Variants in F8 observed in about 807,000 individuals in gnomAD.
F8 encodes coagulation factor VIII.
In F8, 12 loss-of-function variants were observed where a neutral mutation model predicts 140.6. The observed-to-expected ratio is 0.09, with a 90% CI of 0.05 to 0.14. The LOEUF is 0.14. Ranked by LOEUF, F8 falls within the 10% of genes least tolerant of loss-of-function variation. The probability of loss-of-function intolerance (pLI) is 1.00; values close to 1 mark genes in which losing one functional copy is unlikely to be tolerated. For synonymous variants in F8, 585 were observed against 614.6 expected, an observed-to-expected ratio of 0.95 and a Z score of 0.71; for missense variants, 1,354 against 1,720.7, an observed-to-expected ratio of 0.79 and a Z score of 3.77.
Position 154,899,022 on chromosome X carries a change from C to T in F8, c.6273+844G>A, listed in dbSNP as rs183481744. 3.6e-5 allele frequency among the ~76,000 whole-genome samples: 4 copies of T among 111,958 alleles called. No individual in the cohort carries two copies. In the East Asian group the frequency reaches 1.1e-3, roughly 31 times the overall value. On this transcript the variant is annotated intron_variant, in intron 21 of 25. Transcript: ENST00000360256. Reference sequence around the variant, plus strand: ...GGGTGGCCAAATAGATAAACATGTTCTCTATATAGGGATACACTTAAGGTT... The same window carrying T: ...GGGTGGCCAAATAGATAAACATGTTTTCTATATAGGGATACACTTAAGGTT...
chrX:154,837,702 G>C lies in F8; in HGVS notation c.6951C>G (p.Asp2317Glu), dbSNP rs782799573. 98 of 1,209,543 alleles carry C rather than the reference G, an allele frequency of 8.1e-5. No homozygotes were observed. In the South Asian group the frequency reaches 1.6e-3, roughly 20 times the overall value. The change falls in exon 26 of 26, where the codon GAC becomes GAG. Residue 2317 changes from aspartate to glutamate, a missense_variant. Asp to Glu is a conservative substitution (Grantham distance 45, BLOSUM62 2). This residue lies in a region of F8 where 316 missense variants were observed against 485.4 expected (regional missense o/e 0.65). Coordinates refer to ENST00000360256, the MANE Select transcript of F8 (RefSeq NM_000132.4). ...DSFTPVVNSL[D>E]PPLLTRYLRI... ...GAAGGTAGCGAGTCAGTAACGGTGGGTCTAGAGAGTTCACCACAGGTGTGA... is the reference window on the plus strand; with the variant it reads ...GAAGGTAGCGAGTCAGTAACGGTGGCTCTAGAGAGTTCACCACAGGTGTGA...
chrX:154,976,550 A>C (rs1360000474), intron 6 of F8, among the ~76,000 whole-genome samples: 1 of 109,841 alleles, frequency 9.1e-6, no homozygotes, highest in Non-Finnish European at 1.9e-5. Context: ...CATTAGGTAT[A>C]TCTCCTAATG....
Position 154,966,443 on chromosome X carries a change from G to A in F8, c.1254C>T (p.Val418=), listed in dbSNP as rs1557282010. The stretch of plus-strand genomic sequence containing the variant: ...GTGCTTACCTGTCATCGGGGGCGAG[G>A]ACTAAGGGAGCATAGTCCCAGTCCT... ...EEEDWDYAPL[V]LAPDDRSYKS... Residue 418 remains valine (V), a synonymous_variant, in exon 8 of 26, where the codon GTC becomes GTT. Coordinates refer to ENST00000360256, the MANE Select transcript of F8 (RefSeq NM_000132.4). The A allele has an allele frequency of 8.3e-7, 1 of 1,211,242 alleles. No individual in the cohort carries two copies.
rs782217277 is a variant in F8, at chrX:154,850,123, T to A, written c.6900+10309A>T. Among the ~76,000 whole-genome samples the A allele has an allele frequency of 2.3e-4, 21 of 93,056 alleles. No homozygotes were observed. In the East Asian group the frequency reaches 5.6e-3, roughly 25 times the overall value. 80.8% of individuals were successfully genotyped at this position (93,056 alleles called of 115,157 possible). On this transcript the variant is annotated intron_variant, in intron 25 of 25. Transcript: ENST00000360256. The stretch of plus-strand genomic sequence containing the variant: ...TGTGTGTGTGTGTGTGTGTGTGTAT[T>A]TTTTTTTTGTCTGTTTGTTTTTTGA...
At position 154,966,102 on chromosome X, in the gene F8, C is replaced by A; in HGVS notation, c.1311G>T (p.Arg437=). The change falls in exon 9 of 26, where the codon CGG becomes CGT. Residue 437 remains arginine, a synonymous_variant. Transcript: ENST00000360256. ...GGACTTTTTTGTACTTCCTACCAAT[C>A]CGCTGAGGGCCATTGTTCAAATATT... is the stretch of plus-strand genomic sequence containing the variant. ...KSQYLNNGPQ[R]IGRKYKKVRF... The A allele has an allele frequency of 8.3e-7, 1 of 1,210,550 alleles. No homozygotes were observed. Among genetic ancestry groups the A allele is most frequent in the East Asian group, 3.0e-5 (1 of 33,839 alleles).
intron 1 of F8, among the ~76,000 whole-genome samples, chrX:155,008,881 C>T (rs1557286309): frequency 9.1e-6 from 1 of 109,599 alleles, no homozygotes; most frequent in African/African-American, 3.3e-5. Flanking sequence ...CATGTTGGTC[C>T]AACCTGGAAG....
chrX:154,966,225 T>TCAATC lies in F8; in HGVS notation c.1272-89_1272-85dup, dbSNP rs2073422816. 1.1e-5 allele frequency: 11 copies of TCAATC among 1,010,696 alleles called. No homozygotes were observed. In the South Asian group the frequency reaches 2.3e-4, roughly 21 times the overall value. The allele number at this position is 1,010,696 out of a possible 1,213,427, so 83.3% of individuals were successfully genotyped here. ...CCAACTCTAAAACAGCTTATATGAT[T>TCAATC]CAATCAAGGCAAGGAGTGAGAAAAA... On this transcript the variant is annotated intron_variant, in intron 8 of 25. Coordinates refer to ENST00000360256, the MANE Select transcript of F8 (RefSeq NM_000132.4).
chrX:154,860,570 C>T lies in F8; in HGVS notation c.6762G>A (p.Gln2254=). 1 of 1,211,754 alleles carries T rather than the reference C, an allele frequency of 8.3e-7. No individual in the cohort carries two copies. The highest frequency in any genetic ancestry group is 1.1e-6 in the Non-Finnish European group (1 of 895,415). The change falls in exon 25 of 26, where the codon CAG becomes CAA. Residue 2254 remains glutamine (Q), a synonymous_variant. Transcript: ENST00000360256. ...NPKEWLQVDF[Q]KTMKVTGVTT... is the part of the protein sequence containing the mutation. ...TTACTCCTGTGACTTTCATTGTCTT[C>T]TGGAAGTCCACTTGCAGCCACTCTT...
chrX:154,952,065 T>C (rs993303508), intron 12 of F8, among the ~76,000 whole-genome samples: 2 of 111,156 alleles, frequency 1.8e-5, no homozygotes, highest in Non-Finnish European at 3.8e-5. Context: ...AAATTATGAA[T>C]AGAAAAAAAT....
intron 12 of F8, among the ~76,000 whole-genome samples, chrX:154,948,677 C>T (rs1168523275): frequency 5.4e-5 from 6 of 111,933 alleles, no homozygotes; most frequent in Admixed American, 1.9e-4. Flanking sequence ...TGGCCTTAGT[C>T]TATGAAGGGA....
chrX:154,851,164 G>A (rs1414385661), intron 25 of F8, among the ~76,000 whole-genome samples: 1 of 112,224 alleles, frequency 8.9e-6, no homozygotes, highest in Non-Finnish European at 1.9e-5. Context: ...TTTGTGCCTG[G>A]CTGCTTTCAC....
At chrX:154,843,818 G>A (rs1470406950) in intron 25 of F8, among the ~76,000 whole-genome samples, 1 of 111,501 alleles carries the variant, frequency 9.0e-6, no homozygotes, top group African/African-American at 3.3e-5. Flanking sequence ...GTCAATTTTG[G>A]CTTTTGTTGC....
chrX:154,966,823 T>G, intron 7 of F8, 136 bp from the exon 8 acceptor site: 1 of 794,089 alleles, frequency 1.3e-6, no homozygotes, highest in Non-Finnish European at 1.8e-6. Flanking sequence ...AGCATGGTGC[T>G]GGCATCTGCT....
chrX:154,844,908 GTATGA>G (rs1392236218), intron 25 of F8, among the ~76,000 whole-genome samples: 2 of 110,108 alleles, frequency 1.8e-5, no homozygotes, highest in Non-Finnish European at 3.8e-5. Flanking sequence ...TGCCCATTCA[GTATGA>G]TATTGGCTGT....
intron 22 of F8, among the ~76,000 whole-genome samples, chrX:154,890,618 A>G (rs961684795): frequency 3.6e-5 from 4 of 112,208 alleles, no homozygotes; most frequent in Non-Finnish European, 7.5e-5. Context: ...GAGAAAAGAC[A>G]TATGTGTGTA....
intron 14 of F8, among the ~76,000 whole-genome samples, chrX:154,924,929 G>A (rs2073152120): frequency 8.9e-6 from 1 of 112,099 alleles, no homozygotes; most frequent in African/African-American, 3.2e-5. Flanking sequence ...CACACAGCAT[G>A]GGGATCCTGG....
In F8 at chrX:154,928,869, T is replaced by C. The variant is rs1395125175; in HGVS notation, c.4921A>G (p.Ile1641Val). 24 of 1,210,152 alleles carry C rather than the reference T, an allele frequency of 2.0e-5. No individual in the cohort carries two copies. The highest frequency in any genetic ancestry group is 4.6e-4 in the Middle Eastern group (2 of 4,376). ...AINEGQNKPE[I>V]EVTWAKQGRT... The stretch of plus-strand genomic sequence containing the variant: ...CCTTGCTTTGCCCAGGTGACTTCTA[T>C]TTCGGGCTTATTTTGTCCCTCATTT... The change falls in exon 14 of 26, where the codon ATA (isoleucine) becomes GTA (valine). Residue 1641 changes from isoleucine (I) to valine (V), a missense_variant. Physicochemically the swap from Ile to Val is conservative, Grantham distance 29. Around this residue, in one of 4 missense-constraint regions of F8, gnomAD observed 658 missense variants for 666.5 expected, o/e 0.99. Transcript: ENST00000360256.
chrX:154,963,846 T>C (rs2073409168), intron 9 of F8, among the ~76,000 whole-genome samples: 1 of 102,421 alleles, frequency 9.8e-6, no homozygotes, highest in Admixed American at 1.1e-4. Context: ...ATATTGTTAC[T>C]TTTTTTTTTT....
intron 22 of F8, among the ~76,000 whole-genome samples, chrX:154,888,409 C>CTTTTTTT (rs1569559435): frequency 1.8e-4 from 1 of 5,662 alleles, no homozygotes; most frequent in Non-Finnish European, 3.4e-4. Flanking sequence ...TTTTTTTTCC[C>CTTTTTTT]CCCGAGATGG....
Sources: allele counts gnomAD v4.1 joint callset (sites outside exome capture counted in the v4.1 genomes callset), GRCh38; gene constraint gnomAD v4.1.1; regional missense constraint gnomAD v4.1.1; transcripts MANE v1.5; gene names NCBI Gene and HGNC (gene_info 2026-07-23, HGNC 2026-07-21).